The following USH2A variants were observed in gnomAD, a reference collection of about 807,000 sequenced individuals.
USH2A encodes Usher syndrome 2A (autosomal recessive, mild).
USH2A carries 443 observed loss-of-function variants against 538.9 expected under a neutral mutation model. The ratio of observed to expected loss-of-function variants is 0.82; its 90% confidence interval spans 0.76 to 0.89. The LOEUF is 0.89. USH2A is among the 40% of genes least tolerant of loss of function. The pLI is 0.00. For missense variants in USH2A, 6,633 were observed against 6,324.8 expected, an observed-to-expected ratio of 1.05 and a Z score of -1.65; for synonymous variants, 2,413 against 2,273.5, an observed-to-expected ratio of 1.06 and a Z score of -1.75.
At chr1:215,745,669 A>G (rs775103746) in intron 58 of USH2A, among the ~76,000 whole-genome samples, 3 of 152,220 alleles carry the variant, frequency 2.0e-5, no homozygotes, top group Non-Finnish European at 4.4e-5. Flanking sequence ...CAGAGAAGTT[A>G]AATAACTTGT....
intron 35 of USH2A, among the ~76,000 whole-genome samples, chr1:215,981,629 A>C (rs1312301576): frequency 6.6e-6 from 1 of 152,140 alleles, no homozygotes; most frequent in Non-Finnish European, 1.5e-5. Context: ...TATTGGCTAA[A>C]CACTCCTTGC....
intron 3 of USH2A, among the ~76,000 whole-genome samples, chr1:216,418,237 A>C (rs528819329): frequency 1.3e-5 from 2 of 152,148 alleles, no homozygotes; most frequent in African/African-American, 4.8e-5. Context: ...CGAACCCAAG[A>C]AAACAAAAAT....
intron 34 of USH2A, among the ~76,000 whole-genome samples, chr1:215,996,942 G>A (rs1284307818): frequency 6.6e-6 from 1 of 152,018 alleles, no homozygotes; most frequent in Non-Finnish European, 1.5e-5. Flanking sequence ...CTGCTTAAAG[G>A]CTTTGTTATC....
At chr1:215,936,047 A>G (rs1424724017) in intron 37 of USH2A, among the ~76,000 whole-genome samples, 1 of 152,002 alleles carries the variant, frequency 6.6e-6, no homozygotes, top group East Asian at 1.9e-4. Flanking sequence ...TTTTTTATCT[A>G]AAAGAGCACC....
intron 44 of USH2A, among the ~76,000 whole-genome samples, chr1:215,854,479 C>T (rs1664102783): frequency 6.6e-6 from 1 of 152,172 alleles, no homozygotes; most frequent in African/African-American, 2.4e-5. Flanking sequence ...GAAGCAGCAT[C>T]ATTGTCTGGG....
intron 3 of USH2A, among the ~76,000 whole-genome samples, chr1:216,377,932 G>A (rs914924295): frequency 2.0e-5 from 3 of 151,870 alleles, no homozygotes; most frequent in African/African-American, 7.3e-5. Flanking sequence ...AGAGAAAAAA[G>A]AAAGAGAAGG....
intron 3 of USH2A, among the ~76,000 whole-genome samples, chr1:216,415,758 TCGAGCTATCCGTTC>T (rs1192547152): frequency 6.6e-6 from 1 of 151,938 alleles, no homozygotes; most frequent in African/African-American, 2.4e-5. Context: ...AACTCCTGGT[TCGAGCTATCCGTTC>T]ACTTCTACCT....
intron 21 of USH2A, among the ~76,000 whole-genome samples, chr1:216,139,408 C>A (rs1328951554): frequency 2.0e-5 from 3 of 149,708 alleles, no homozygotes; most frequent in Non-Finnish European, 3.0e-5. Context: ...TTTTCTTCCC[C>A]TCTACAGAAA....
chr1:216,070,433 C>T (rs2031520889), intron 29 of USH2A, 141 bp from the exon 30 acceptor site: 5 of 822,324 alleles, frequency 6.1e-6, no homozygotes, highest in Non-Finnish European at 1.0e-5. Context: ...AACTTTTCAG[C>T]ATTGATTTAA....
chr1:216,036,394 T>A (rs1571906940), intron 32 of USH2A, among the ~76,000 whole-genome samples: 1 of 152,192 alleles, frequency 6.6e-6, no homozygotes, highest in East Asian at 1.9e-4. Context: ...ACTATTAGTA[T>A]TTTGGTATAT....
intron 35 of USH2A, among the ~76,000 whole-genome samples, chr1:215,984,753 A>G (rs1008284091): frequency 6.6e-6 from 1 of 152,214 alleles, no homozygotes; most frequent in African/African-American, 2.4e-5. Flanking sequence ...CATAAAAATA[A>G]CATGTGTAGT....
chr1:215,926,606 C>G (rs1666242955), intron 38 of USH2A, among the ~76,000 whole-genome samples: 1 of 90,366 alleles, frequency 1.1e-5, no homozygotes, highest in South Asian at 3.9e-4. Context: ...CTTGCTTTAC[C>G]TACCTATCTT....
intron 32 of USH2A, among the ~76,000 whole-genome samples, chr1:216,005,179 T>C (rs1312916803): frequency 6.6e-6 from 1 of 152,170 alleles, no homozygotes; most frequent in Non-Finnish European, 1.5e-5. Context: ...TCTGGGCCTT[T>C]GCAGGTGCTG....
intron 13 of USH2A, among the ~76,000 whole-genome samples, chr1:216,237,782 T>C (rs997566811): frequency 2.6e-5 from 4 of 152,238 alleles, no homozygotes; most frequent in Admixed American, 2.0e-4. Flanking sequence ...GCAAGTTTTC[T>C]ATGACAGAGA....
rs115294487 is a variant in USH2A at position 215,792,599 on chromosome 1, T to C, written c.9959-2317A>G. 3.1e-3 allele frequency among the ~76,000 whole-genome samples: 478 copies of C among 152,280 alleles called. 2 individuals carry two copies. The highest frequency in any genetic ancestry group is 5.1e-3 in the Non-Finnish European group (344 of 68,026). ...CATCCATCACTGCAATATTCTGACA[T>C]AAAGATGTCTGACGTGCACTAACTC... is the stretch of plus-strand genomic sequence containing the variant. On this transcript the variant is annotated intron_variant, in intron 50 of 71. Coordinates refer to ENST00000307340, the MANE Select transcript of USH2A (RefSeq NM_206933.4).
chr1:216,382,640 A>C (rs545672477), intron 3 of USH2A, among the ~76,000 whole-genome samples: 3 of 152,318 alleles, frequency 2.0e-5, no homozygotes, highest in South Asian at 4.1e-4. Flanking sequence ...ATATGAAAAT[A>C]GTACTAGGAG....
chr1:215,990,829 T>TC (rs1368235329), intron 35 of USH2A, among the ~76,000 whole-genome samples: 1 of 146,934 alleles, frequency 6.8e-6, no homozygotes, highest in Admixed American at 6.9e-5. Flanking sequence ...TGGTGTGATC[T>TC]CGGCTCACCG....
At chr1:215,736,719 T>C (rs925097095) in intron 60 of USH2A, among the ~76,000 whole-genome samples, 2 of 151,846 alleles carry the variant, frequency 1.3e-5, no homozygotes, top group African/African-American at 4.8e-5. Flanking sequence ...CCCTCCCAAA[T>C]AGAAGATAAA....
At chr1:216,295,535 A>G (rs1470971478) in intron 9 of USH2A, among the ~76,000 whole-genome samples, 2 of 151,966 alleles carry the variant, frequency 1.3e-5, no homozygotes, top group Admixed American at 1.3e-4. Context: ...CTCATTTTGC[A>G]TACACACTGA....
Sources: gnomAD v4.1 joint callset for allele counts (sites outside exome capture counted in the v4.1 genomes callset) on GRCh38, gnomAD v4.1.1 for gene constraint, MANE v1.5 for transcripts, NCBI Gene and HGNC (gene_info 2026-07-23, HGNC 2026-07-21) for gene names.